Variants in PRKCH observed in about 807,000 individuals in gnomAD.
PRKCH encodes the protein protein kinase C eta, also known as protein kinase C eta type.
PRKCH carries 28 observed loss-of-function variants against 82.5 expected under a neutral mutation model. The observed-to-expected ratio is 0.34, with a 90% CI of 0.25 to 0.47. PRKCH has a LOEUF of 0.47. Among genes scored for constraint, PRKCH ranks in the 20% least tolerant of loss-of-function variants. PRKCH has a pLI of 1.00. For missense variants in PRKCH, 705 were observed against 881.8 expected (o/e 0.80, Z 2.54); for synonymous variants, 322 against 327.4 (o/e 0.98, Z 0.18).
At chr14:61,382,197 G>A (rs1434051420) in intron 1 of PRKCH, among the ~76,000 whole-genome samples, 1 of 152,200 alleles carries the variant, frequency 6.6e-6, no homozygotes, top group Non-Finnish European at 1.5e-5. Flanking sequence ...TTGGGAGGCT[G>A]AGGCAGGTGG....
chr14:61,284,666 T>A (rs191998172), intron 1 of PRKCH, among the ~76,000 whole-genome samples: 244 of 152,354 alleles, frequency 1.6e-3, no homozygotes, highest in African/African-American at 5.5e-3. Flanking sequence ...TATGTTGTGA[T>A]GTATTAAAGG....
At chr14:61,218,139 A>G (rs977965098) in intron 1 of PRKCH, among the ~76,000 whole-genome samples, 2 of 152,186 alleles carry the variant, frequency 1.3e-5, no homozygotes, top group African/African-American at 4.8e-5. Flanking sequence ...TCTACTGGAA[A>G]ATGAAGTTAA....
At chr14:61,408,492 A>C (rs1039644123) in intron 2 of PRKCH, among the ~76,000 whole-genome samples, 24 of 152,038 alleles carry the variant, frequency 1.6e-4, no homozygotes, top group African/African-American at 5.8e-4. Flanking sequence ...TGGGTAGGGG[A>C]GGACCATCAG....
At chr14:61,329,761 C>T (rs888754580) in intron 1 of PRKCH, among the ~76,000 whole-genome samples, 2 of 152,200 alleles carry the variant, frequency 1.3e-5, no homozygotes, top group African/African-American at 4.8e-5. Context: ...TTTGGTCCTC[C>T]TCCTAGTGTT....
chr14:61,294,949 T>C (rs1484704673), intron 1 of PRKCH, among the ~76,000 whole-genome samples: 1 of 152,190 alleles, frequency 6.6e-6, no homozygotes, highest in Non-Finnish European at 1.5e-5. Context: ...CTTGGCTCAC[T>C]GCAACCTGCA....
intron 1 of PRKCH, among the ~76,000 whole-genome samples, chr14:61,285,417 A>G (rs1023694805): frequency 3.3e-5 from 5 of 152,240 alleles, no homozygotes; most frequent in African/African-American, 9.6e-5. Context: ...TCCTTAGGAT[A>G]TAACTGTGTG....
At chr14:61,228,708 G>A (rs976835089) in intron 1 of PRKCH, among the ~76,000 whole-genome samples, 2 of 151,824 alleles carry the variant, frequency 1.3e-5, no homozygotes, top group African/African-American at 2.4e-5. Flanking sequence ...AAAGCAGTTC[G>A]GGAAAGAGTT....
intron 10 of PRKCH, among the ~76,000 whole-genome samples, chr14:61,508,203 TA>T (rs569279329): frequency 6.6e-6 from 1 of 152,150 alleles, no homozygotes; most frequent in Admixed American, 6.5e-5. Flanking sequence ...TTCCTTGATT[TA>T]AAAAAACCAC....
At chr14:61,449,900 C>CTCTCTCTCTCTGTG (rs1351833573) in intron 5 of PRKCH, among the ~76,000 whole-genome samples, 1 of 36,894 alleles carries the variant, frequency 2.7e-5, no homozygotes, top group African/African-American at 4.4e-5. Flanking sequence ...CTCTCTCTCT[C>CTCTCTCTCTCTGTG]TGTGTGTGTG....
At chr14:61,393,652 G>A (rs1049561465) in intron 2 of PRKCH, among the ~76,000 whole-genome samples, 11 of 152,250 alleles carry the variant, frequency 7.2e-5, no homozygotes, top group Non-Finnish European at 4.4e-5. Context: ...GAAGATGTGA[G>A]GGCTTGAAGA....
At chr14:61,463,060 C>T (rs1000346812) in intron 9 of PRKCH, 2 of 152,224 alleles carry the variant, frequency 1.3e-5, no homozygotes, top group Non-Finnish European at 2.9e-5. Flanking sequence ...TGGCATTGCC[C>T]TTGGGAACAG....
At chr14:61,392,598 C>G (rs76244818) in intron 2 of PRKCH, among the ~76,000 whole-genome samples, 1 of 151,954 alleles carries the variant, frequency 6.6e-6, no homozygotes, top group African/African-American at 2.4e-5. Flanking sequence ...ATTTGTCTTT[C>G]TATTATTGAT....
chr14:61,540,251 T>C (rs1404064704), intron 12 of PRKCH, among the ~76,000 whole-genome samples: 1 of 152,226 alleles, frequency 6.6e-6, no homozygotes, highest in African/African-American at 2.4e-5. Context: ...GAATGTCACA[T>C]GAGCCAGCAA....
intron 9 of PRKCH, among the ~76,000 whole-genome samples, chr14:61,461,664 G>A (rs1281674946): frequency 1.3e-5 from 2 of 152,150 alleles, no homozygotes; most frequent in Non-Finnish European, 2.9e-5. Context: ...ACCTAACAGG[G>A]GAATTTGATC....
At chr14:61,210,319 A>G (rs1594853812) in intron 1 of PRKCH, among the ~76,000 whole-genome samples, 2 of 151,062 alleles carry the variant, frequency 1.3e-5, no homozygotes, top group South Asian at 2.1e-4. Flanking sequence ...GTCTCAGAAA[A>G]AATAAATAAA....
At chr14:61,321,322 C>T (rs2045616818), upstream of PRKCH, among the ~76,000 whole-genome samples, 1 of 152,208 alleles carries the variant, frequency 6.6e-6, no homozygotes, top group South Asian at 2.1e-4. The surrounding 1 kb of genome is among the most constrained non-coding windows in gnomAD (Gnocchi z 4.1). Flanking sequence ...CATCGCTCCC[C>T]AGGTCAGTCT....
chr14:61,292,020 T>C (rs1256607248), intron 1 of PRKCH, among the ~76,000 whole-genome samples: 1 of 152,150 alleles, frequency 6.6e-6, no homozygotes, highest in Non-Finnish European at 1.5e-5. Context: ...TAGAACCTTG[T>C]GTAGAACATT....
chr14:61,423,737 G>C (rs910434713), intron 2 of PRKCH, among the ~76,000 whole-genome samples: 2 of 152,146 alleles, frequency 1.3e-5, no homozygotes, highest in African/African-American at 2.4e-5. Flanking sequence ...AATGATAGGT[G>C]GGGCTATAAT....
intron 10 of PRKCH, among the ~76,000 whole-genome samples, chr14:61,490,447 T>A (rs544391002): frequency 6.6e-6 from 1 of 152,324 alleles, no homozygotes; most frequent in East Asian, 1.9e-4. Context: ...TCTGTGTGAA[T>A]ATACCGATCA....
Sources: allele counts gnomAD v4.1 joint callset (sites outside exome capture counted in the v4.1 genomes callset), GRCh38; gene constraint gnomAD v4.1.1; non-coding constraint Gnocchi (gnomAD v3.1); transcripts MANE v1.5; gene names NCBI Gene and HGNC (gene_info 2026-07-23, HGNC 2026-07-21).